The following CDK8 variants were observed in gnomAD, a reference collection of about 807,000 sequenced individuals.
The protein encoded by CDK8 is cyclin-dependent kinase 8.
A neutral mutation model predicts 71.5 loss-of-function variants in CDK8; 29 were observed. The observed-to-expected ratio is 0.41, with a 90% CI of 0.30 to 0.55. The LOEUF is 0.55. Among genes scored for constraint, CDK8 ranks in the 20% least tolerant of loss-of-function variants. The probability of loss-of-function intolerance (pLI) is 0.37; values close to 1 mark genes in which losing one functional copy is unlikely to be tolerated. For synonymous variants in CDK8, 161 were observed against 192.1 expected (o/e 0.84, Z 1.34); for missense variants, 288 against 572.6 (o/e 0.50, Z 5.07).
At chr13:26,302,265 G>T (rs1163190631) in intron 1 of CDK8, among the ~76,000 whole-genome samples, 2 of 152,228 alleles carry the variant, frequency 1.3e-5, no homozygotes. Context: ...GAGAAATTGT[G>T]AATTCTTCCA....
chr13:26,362,270 A>G (rs376767831), intron 4 of CDK8, among the ~76,000 whole-genome samples: 30 of 140,000 alleles, frequency 2.1e-4, no homozygotes, highest in South Asian at 6.9e-4. Flanking sequence ...ATGGATGGAT[A>G]GATAGATGAA....
chr13:26,321,702 A>C (rs1167134133), intron 1 of CDK8, among the ~76,000 whole-genome samples: 1 of 152,128 alleles, frequency 6.6e-6, no homozygotes, highest in Non-Finnish European at 1.5e-5. Context: ...CAGTGAGCTA[A>C]GTATAAGAAG....
At chr13:26,280,364 T>C (rs1872695383) in intron 1 of CDK8, among the ~76,000 whole-genome samples, 2 of 152,234 alleles carry the variant, frequency 1.3e-5, no homozygotes, top group African/African-American at 4.8e-5. Flanking sequence ...CTTAATCTCA[T>C]TCAGAAGACT....
At chr13:26,344,585 C>T (rs1406341684) in intron 2 of CDK8, among the ~76,000 whole-genome samples, 6 of 151,970 alleles carry the variant, frequency 3.9e-5, no homozygotes, top group African/African-American at 1.2e-4. Context: ...GCCAACATGG[C>T]GAAACCTTGT....
intron 2 of CDK8, among the ~76,000 whole-genome samples, chr13:26,345,139 G>T (rs1873410406): frequency 1.3e-5 from 2 of 152,098 alleles, no homozygotes; most frequent in East Asian, 3.9e-4. Flanking sequence ...TCTTATATAT[G>T]CTGTCTGTTA....
At chr13:26,376,405 G>C (rs1874953142) in intron 4 of CDK8, among the ~76,000 whole-genome samples, 1 of 151,856 alleles carries the variant, frequency 6.6e-6, no homozygotes, top group African/African-American at 2.4e-5. Flanking sequence ...TGTTTAAACT[G>C]TTATAAAATT....
intron 4 of CDK8, among the ~76,000 whole-genome samples, chr13:26,363,435 A>G (rs1256901975): frequency 2.0e-5 from 3 of 152,162 alleles, no homozygotes; most frequent in Admixed American, 6.6e-5. Context: ...GTCATAGTAA[A>G]ACTTTCTAGA....
intron 1 of CDK8, among the ~76,000 whole-genome samples, chr13:26,308,183 T>C (rs1874126543): frequency 6.6e-6 from 1 of 152,250 alleles, no homozygotes; most frequent in Non-Finnish European, 1.5e-5. Context: ...AAATAAGATG[T>C]AAAGTTCAGT....
intron 1 of CDK8, among the ~76,000 whole-genome samples, chr13:26,280,298 T>C (rs925690635): frequency 2.0e-5 from 3 of 152,220 alleles, no homozygotes; most frequent in Admixed American, 1.3e-4. Flanking sequence ...AAAGTAACCT[T>C]GTGTGACTTT....
chr13:26,387,684 A>G (rs2138054323), intron 6 of CDK8, among the ~76,000 whole-genome samples: 1 of 152,222 alleles, frequency 6.6e-6, no homozygotes, highest in South Asian at 2.1e-4. Flanking sequence ...CTTCCCACTC[A>G]ACAACAGCAC....
At chr13:26,318,964 G>A (rs74989964) in intron 1 of CDK8, among the ~76,000 whole-genome samples, 3,398 of 152,158 alleles carry the variant, frequency 0.022, 128 homozygotes, top group African/African-American at 0.078. Context: ...TCTAGTCAGA[G>A]CAATTAAGCA....
intron 1 of CDK8, among the ~76,000 whole-genome samples, chr13:26,330,244 C>T (rs183243338): frequency 2.9e-3 from 441 of 152,238 alleles, no homozygotes; most frequent in African/African-American, 9.7e-3. Context: ...GAGTCTCTGT[C>T]GCCTAGGCTG....
chr13:26,283,533 G>T (rs1872858768), intron 1 of CDK8, among the ~76,000 whole-genome samples: 1 of 151,946 alleles, frequency 6.6e-6, no homozygotes, highest in African/African-American at 2.4e-5. Flanking sequence ...GCTTGAACCT[G>T]GGAGGCAGGG....
At chr13:26,346,158 A>G (rs1458323139) in intron 2 of CDK8, among the ~76,000 whole-genome samples, 1 of 152,206 alleles carries the variant, frequency 6.6e-6, no homozygotes, top group Non-Finnish European at 1.5e-5. Context: ...CAAATTATTT[A>G]AACCCCTTAA....
At chr13:26,332,127 T>C (rs2137964704) in intron 1 of CDK8, among the ~76,000 whole-genome samples, 2 of 152,296 alleles carry the variant, frequency 1.3e-5, no homozygotes, top group East Asian at 3.9e-4. Context: ...TTTTGATACA[T>C]AGAAACAATA....
At chr13:26,290,704 A>T (rs1873252296) in intron 1 of CDK8, among the ~76,000 whole-genome samples, 1 of 152,134 alleles carries the variant, frequency 6.6e-6, no homozygotes, top group South Asian at 2.1e-4. Flanking sequence ...TTATATTGGT[A>T]TTTGGGTTTC....
chr13:26,329,544 C>G, intron 1 of CDK8, among the ~76,000 whole-genome samples: 1 of 150,732 alleles, frequency 6.6e-6, no homozygotes, highest in South Asian at 2.1e-4. Context: ...CACTTGTCGC[C>G]CAGGCTGGAG....
intron 1 of CDK8, 76 bp from the exon 2 acceptor site, chr13:26,337,487 ATATT>A (rs1289481516): frequency 1.0e-4 from 53 of 520,704 alleles, no homozygotes; most frequent in Non-Finnish European, 1.6e-4. Context: ...AACGTGATTT[ATATT>A]TATTTATATT....
chr13:26,358,194 G>C (rs773045851), intron 4 of CDK8, among the ~76,000 whole-genome samples: 2 of 152,160 alleles, frequency 1.3e-5, no homozygotes, highest in Admixed American at 6.5e-5. Context: ...AGCTACTTGG[G>C]AGGTTGAGGC....
Sources: gnomAD v4.1 joint callset for allele counts (sites outside exome capture counted in the v4.1 genomes callset) on GRCh38, gnomAD v4.1.1 for gene constraint, MANE v1.5 for transcripts, NCBI Gene and HGNC (gene_info 2026-07-23, HGNC 2026-07-21) for gene names.